The following FBXO21 variants were observed in gnomAD, a reference collection of about 807,000 sequenced individuals.
FBXO21 encodes F-box protein 21.
FBXO21 carries 32 observed loss-of-function variants against 76.6 expected under a neutral mutation model. That is an observed-to-expected ratio of 0.42 (90% CI 0.32 to 0.56). FBXO21 has a LOEUF of 0.56. Ranked by LOEUF, FBXO21 falls within the 20% of genes least tolerant of loss-of-function variation. FBXO21 has a pLI of 0.16. For missense variants in FBXO21, 586 were observed against 797.3 expected (o/e 0.73, Z 3.19); for synonymous variants, 328 against 311.5 (o/e 1.05, Z -0.56).
At chr12:117,182,871 C>A (rs1487060018) in intron 3 of FBXO21, among the ~76,000 whole-genome samples, 1 of 151,982 alleles carries the variant, frequency 6.6e-6, no homozygotes, top group Non-Finnish European at 1.5e-5. Flanking sequence ...CTGGGAAGAT[C>A]TCTTGAGGCC....
chr12:117,178,965 G>C (rs1327822077), intron 3 of FBXO21, among the ~76,000 whole-genome samples: 1 of 152,142 alleles, frequency 6.6e-6, no homozygotes, highest in Non-Finnish European at 1.5e-5. Flanking sequence ...CTGGCACATA[G>C]TAGATGTTCC....
chr12:117,155,535 G>A (rs1447113871), intron 11 of FBXO21: 10 of 561,700 alleles, frequency 1.8e-5, no homozygotes, highest in East Asian at 6.1e-5. Context: ...ATAGACAGTG[G>A]CCAATCAGAT....
At chr12:117,161,634 C>CA (rs1330977187) in intron 9 of FBXO21, among the ~76,000 whole-genome samples, 1 of 152,142 alleles carries the variant, frequency 6.6e-6, no homozygotes, top group Non-Finnish European at 1.5e-5. Flanking sequence ...GTCTGGGAGA[C>CA]AGAGTCACGT....
At position 117,166,836 on chromosome 12, in the gene FBXO21, A is replaced by G. The variant is rs1210885964; in HGVS notation, c.1193+62T>C. 6 of 1,455,114 alleles carry G rather than the reference A, an allele frequency of 4.1e-6. No homozygotes were observed. The East Asian group carries it at 1.4e-4, about 33-fold the overall frequency. The allele number at this position is 1,455,114 out of a possible 1,614,324, so 90.1% of individuals were successfully genotyped here. ...AAAAGTCACTTGGCACATCTCAAAC[A>G]CAATTCAAGCCTCTAAAGACATGTG... is the stretch of plus-strand genomic sequence containing the variant. On this transcript the variant is annotated intron_variant, in intron 8 of 11. Transcript: ENST00000622495.
chr12:117,159,045 T>A (rs1405738582), intron 9 of FBXO21, among the ~76,000 whole-genome samples: 1 of 152,186 alleles, frequency 6.6e-6, no homozygotes, highest in Non-Finnish European at 1.5e-5. Flanking sequence ...TACCTCTGAA[T>A]TCCTTTCTTA....
chr12:117,154,801 C>A (rs1280844627), intron 11 of FBXO21, among the ~76,000 whole-genome samples: 1 of 152,118 alleles, frequency 6.6e-6, no homozygotes, highest in African/African-American at 2.4e-5. Flanking sequence ...TTTATACATC[C>A]CATATTTTGA....
intron 7 of FBXO21, among the ~76,000 whole-genome samples, chr12:117,168,361 TA>T (rs1471623022): frequency 6.6e-6 from 1 of 151,904 alleles, no homozygotes; most frequent in Non-Finnish European, 1.5e-5. Flanking sequence ...CTGTCTTTAC[TA>T]AAAATACAAA....
chr12:117,188,257 C>G (rs1956304882), intron 2 of FBXO21, among the ~76,000 whole-genome samples: 1 of 152,126 alleles, frequency 6.6e-6, no homozygotes, highest in Non-Finnish European at 1.5e-5. Flanking sequence ...ACAGAAACTT[C>G]CGTGAGGCCA....
intron 11 of FBXO21, among the ~76,000 whole-genome samples, chr12:117,151,502 A>G (rs1484185810): frequency 6.6e-6 from 1 of 152,236 alleles, no homozygotes; most frequent in Non-Finnish European, 1.5e-5. Context: ...TACCTGGGCT[A>G]ATAGGATCAT....
At chr12:117,172,694 T>C in intron 6 of FBXO21, 87 bp from the exon 7 acceptor site, 4 of 1,382,820 alleles carry the variant, frequency 2.9e-6, no homozygotes, top group Non-Finnish European at 2.0e-6. Context: ...GCACCTATTG[T>C]GCATTGGGCA....
At chr12:117,185,513 G>A (rs1480783161) in intron 3 of FBXO21, among the ~76,000 whole-genome samples, 1 of 152,202 alleles carries the variant, frequency 6.6e-6, no homozygotes, top group African/African-American at 2.4e-5. Flanking sequence ...AAGTTAGGCT[G>A]GAAGCCCACT....
chr12:117,188,544 C>CA (rs1379151788), intron 2 of FBXO21, among the ~76,000 whole-genome samples: 1 of 136,596 alleles, frequency 7.3e-6, no homozygotes, highest in African/African-American at 2.7e-5. Flanking sequence ...GACTCTGTCT[C>CA]AAAAAAAGAA....
chr12:117,174,829 C>T (rs1248800300), intron 4 of FBXO21, 32 bp from the exon 5 acceptor site: 1 of 1,603,782 alleles, frequency 6.2e-7, no homozygotes, highest in South Asian at 1.1e-5. Flanking sequence ...CGAATAAATT[C>T]TCACGTTACC....
At chr12:117,167,227 C>CT in intron 7 of FBXO21, 150 bp from the exon 8 acceptor site, 1 of 654,590 alleles carries the variant, frequency 1.5e-6, no homozygotes, top group East Asian at 2.7e-5. Context: ...AATCTGACCC[C>CT]TTTGTGCAAG....
intron 9 of FBXO21, among the ~76,000 whole-genome samples, chr12:117,159,863 GATAA>G (rs1177756578): frequency 1.3e-5 from 2 of 152,320 alleles, no homozygotes; most frequent in East Asian, 3.9e-4. Context: ...TAAGGTCAAG[GATAA>G]TTACCCCCAC....
Position 117,172,597 on chromosome 12 carries a change from C to A in FBXO21, c.887G>T (p.Arg296Leu), listed in dbSNP as rs755871921. 6.2e-7 allele frequency: 1 copy of A among 1,611,510 alleles called. No homozygotes were observed. Among genetic ancestry groups the A allele is most frequent in the African/African-American group, 1.3e-5 (1 of 75,012 alleles). The change falls in exon 7 of 12, where the codon CGC (arginine) becomes CTC (leucine). Residue 296 changes from arginine to leucine, a missense_variant. Transcript: ENST00000622495. The stretch of plus-strand genomic sequence containing the variant: ...CATGCTGATTGGGATTCCTGTTCTG[C>A]GAATCAAAACCTAAAGCAGAAAAAA... ...LNLYMHQVLI[R>L]RTGIPISMSL...
At position 117,165,568 on chromosome 12, in the gene FBXO21, A is replaced by G. The variant is rs1270849989; in HGVS notation, c.1243T>C (p.Tyr415His). 6.2e-7 allele frequency: 1 copy of G among 1,613,834 alleles called. No homozygotes were observed. The highest frequency in any genetic ancestry group is 8.5e-7 in the Non-Finnish European group (1 of 1,179,844). ...ACCTGGTCCGGGTACATTGCCAGATAGAGATCCAGCGAGTCTCTCAGGAGC... is the reference window on the plus strand; with the variant it reads ...ACCTGGTCCGGGTACATTGCCAGATGGAGATCCAGCGAGTCTCTCAGGAGC... Reference protein sequence around the residue: ...YQLLRDSLDLYLAMYPDQVQL... With the variant: ...YQLLRDSLDLHLAMYPDQVQL... The change falls in exon 9 of 12, where the codon TAT becomes CAT. Residue 415 changes from tyrosine (Y) to histidine (H), a missense_variant. Coordinates refer to ENST00000622495, the MANE Select transcript of FBXO21 (RefSeq NM_015002.3).
intron 11 of FBXO21, among the ~76,000 whole-genome samples, chr12:117,151,032 G>A (rs1442828986): frequency 6.6e-6 from 1 of 150,506 alleles, no homozygotes; most frequent in Non-Finnish European, 1.5e-5. Flanking sequence ...TGGGTGGAAA[G>A]TTGAGTTTGG....
In FBXO21 at chr12:117,164,274, C is replaced by CT. The variant is rs538169408; in HGVS notation, c.1326+1210dup. The stretch of plus-strand genomic sequence containing the variant: ...GGCTACAGATGACATCTTTTCTTTT[C>CT]TTTTTTTTTTTTTTTTTTTTGAGAC... On this transcript the variant is annotated intron_variant, in intron 9 of 11. Coordinates refer to ENST00000622495, the MANE Select transcript of FBXO21 (RefSeq NM_015002.3). Among the ~76,000 whole-genome samples the CT allele has an allele frequency of 5.7e-3, 727 of 126,790 alleles. 9 individuals carry two copies. Among genetic ancestry groups the CT allele is most frequent in the East Asian group, 0.019 (81 of 4,224 alleles). The allele number at this position is 126,790 out of a possible 152,430, so 83.2% of individuals were successfully genotyped here. A position where few individuals can be genotyped will look rare whatever the true frequency, so the allele number is the denominator to read the frequency against.
Sources: allele counts gnomAD v4.1 joint callset (sites outside exome capture counted in the v4.1 genomes callset), GRCh38; gene constraint gnomAD v4.1.1; transcripts MANE v1.5; gene names NCBI Gene and HGNC (gene_info 2026-07-23, HGNC 2026-07-21).